Variants in PLEKHA5 observed in about 807,000 individuals in gnomAD.
PLEKHA5 encodes the protein pleckstrin homology domain-containing family A member 5.
PLEKHA5 carries 55 observed loss-of-function variants against 181.9 expected under a neutral mutation model. The ratio of observed to expected loss-of-function variants is 0.30; its 90% CI spans 0.24 to 0.38. The LOEUF (loss-of-function observed/expected upper bound fraction) is 0.38. Ranked by LOEUF, PLEKHA5 falls within the 10% of genes least tolerant of loss-of-function variation. The pLI is 1.00. For synonymous variants in PLEKHA5, 535 were observed against 529.4 expected (o/e 1.01, Z -0.15); for missense variants, 1,432 against 1,549.5 (o/e 0.92, Z 1.27).
intron 3 of PLEKHA5, among the ~76,000 whole-genome samples, chr12:19,188,967 CTG>C (rs2050455384): frequency 6.6e-6 from 1 of 152,196 alleles, no homozygotes; most frequent in African/African-American, 2.4e-5. Context: ...AAAACAGGCA[CTG>C]TCCCTGAATT....
At chr12:19,275,788 A>G (rs2074338232) in intron 11 of PLEKHA5, among the ~76,000 whole-genome samples, 1 of 152,138 alleles carries the variant, frequency 6.6e-6, no homozygotes, top group Non-Finnish European at 1.5e-5. Context: ...ATGTAAATAT[A>G]TTTATATGAG....
At chr12:19,252,935 G>C (rs1592212901) in intron 3 of PLEKHA5, among the ~76,000 whole-genome samples, 1 of 151,602 alleles carries the variant, frequency 6.6e-6, no homozygotes, top group Non-Finnish European at 1.5e-5. Context: ...ACCCATGTTG[G>C]ACCATAAAAC....
At chr12:19,257,650 A>G (rs1389412804) in intron 6 of PLEKHA5, 113 bp downstream of exon 6, 1 of 648,752 alleles carries the variant, frequency 1.5e-6, no homozygotes, top group Non-Finnish European at 2.7e-6. Context: ...AACTATGGAG[A>G]AGCCACCCAG....
intron 3 of PLEKHA5, among the ~76,000 whole-genome samples, chr12:19,164,735 A>G (rs566913875): frequency 1.3e-5 from 2 of 152,172 alleles, no homozygotes; most frequent in African/African-American, 4.8e-5. Context: ...ATGTGTGCTT[A>G]TTCTCGATAT....
chr12:19,291,163 A>G (rs2078336416), intron 14 of PLEKHA5, among the ~76,000 whole-genome samples: 1 of 152,222 alleles, frequency 6.6e-6, no homozygotes, highest in African/African-American at 2.4e-5. Context: ...AATTTCCAAT[A>G]AAACAATAAA....
chr12:19,306,170 C>T (rs1030075012), intron 15 of PLEKHA5, among the ~76,000 whole-genome samples: 1 of 152,078 alleles, frequency 6.6e-6, no homozygotes, highest in Admixed American at 6.6e-5. Context: ...GATAGTTTTT[C>T]TAAACATTTG....
In PLEKHA5 at chr12:19,130,467, C is replaced by A. The variant is rs937576212; in HGVS notation, c.169+337C>A. On this transcript the variant is annotated intron_variant, in intron 2 of 31. Transcript: ENST00000429027. This position sits in a 1 kb window ranked among gnomAD's most constrained non-coding sequence, Gnocchi z 4.5. ...CTGAAACCTGGAGTCCTGAGTTTTT[C>A]CTCCGCGGCCGCTACTCACTCCCCG... 4.0e-5 allele frequency among the ~76,000 whole-genome samples: 6 copies of A among 151,756 alleles called. No individual in the cohort carries two copies. The highest frequency in any genetic ancestry group is 1.5e-4 in the African/African-American group (6 of 41,300).
chr12:19,266,324 A>AAACAT (rs1322472071), intron 8 of PLEKHA5, among the ~76,000 whole-genome samples: 1 of 151,538 alleles, frequency 6.6e-6, no homozygotes, highest in Non-Finnish European at 1.5e-5. Flanking sequence ...AAACAAAACA[A>AAACAT]AACCAAAAAA....
chr12:19,277,736 T>A (rs187835278), intron 11 of PLEKHA5, among the ~76,000 whole-genome samples: 9 of 152,328 alleles, frequency 5.9e-5, no homozygotes, highest in Non-Finnish European at 1.0e-4. Context: ...AATCATTTTT[T>A]AAAAAGCTTT....
At chr12:19,193,985 T>G (rs1245658340) in intron 3 of PLEKHA5, among the ~76,000 whole-genome samples, 1 of 150,682 alleles carries the variant, frequency 6.6e-6, no homozygotes, top group Non-Finnish European at 1.5e-5. Flanking sequence ...CACTCAGTAT[T>G]GCTACTACAG....
chr12:19,328,993 T>A (rs1462292925), intron 20 of PLEKHA5, among the ~76,000 whole-genome samples: 1 of 152,200 alleles, frequency 6.6e-6, no homozygotes, highest in Non-Finnish European at 1.5e-5. Context: ...GCCTTTACTA[T>A]TTTAGGGCAT....
At chr12:19,212,823 T>G (rs79351799) in intron 3 of PLEKHA5, among the ~76,000 whole-genome samples, 239 of 107,662 alleles carry the variant, frequency 2.2e-3, no homozygotes, top group Non-Finnish European at 3.3e-3. Context: ...TGAGAGTGGG[T>G]TTTTTTTTGT....
Position 19,358,288 on chromosome 12 carries a change from A to C in PLEKHA5, c.3199A>C (p.Thr1067Pro). 1 of 1,614,060 alleles carries C rather than the reference A, an allele frequency of 6.2e-7. No individual in the cohort carries two copies. The change falls in exon 27 of 32, where the codon ACT (threonine) becomes CCT (proline). Residue 1067 changes from threonine (T) to proline (P), a missense_variant. Transcript: ENST00000429027. Reference protein sequence around the residue: ...CLAESTRPRMTVEEQMERIRR... With the variant: ...CLAESTRPRMPVEEQMERIRR... ...GGCTGAAAGTACTCGACCAAGGATG[A>C]CTGTGGAAGAGCAAATGGAAAGAAT...
chr12:19,373,951 T>C (rs1282635205), intron 31 of PLEKHA5, among the ~76,000 whole-genome samples: 1 of 150,006 alleles, frequency 6.7e-6, no homozygotes, highest in Non-Finnish European at 1.5e-5. Context: ...TTTCTTCTTA[T>C]TCCAAGAGCA....
intron 26 of PLEKHA5, among the ~76,000 whole-genome samples, chr12:19,355,113 A>G (rs895381571): frequency 1.3e-5 from 2 of 152,138 alleles, no homozygotes; most frequent in African/African-American, 2.4e-5. Context: ...AATAAATCCT[A>G]TATTTTACAT....
At chr12:19,360,167 A>G (rs2095155476) in intron 28 of PLEKHA5, among the ~76,000 whole-genome samples, 1 of 151,892 alleles carries the variant, frequency 6.6e-6, no homozygotes. Context: ...CCCTGCCAAT[A>G]CTGAATACAA....
At chr12:19,139,902 A>T (rs1395251826) in intron 3 of PLEKHA5, among the ~76,000 whole-genome samples, 5 of 152,162 alleles carry the variant, frequency 3.3e-5, no homozygotes, top group African/African-American at 1.2e-4. Flanking sequence ...GACTTGGGGG[A>T]TGGGGTTGGT....
chr12:19,152,535 C>A (rs963849447), intron 3 of PLEKHA5: 10 of 152,202 alleles, frequency 6.6e-5, no homozygotes, highest in Non-Finnish European at 1.3e-4. Flanking sequence ...CCATGCAATG[C>A]AGGTCAGTTT....
intron 3 of PLEKHA5, among the ~76,000 whole-genome samples, chr12:19,246,037 G>A (rs2063662502): frequency 6.7e-6 from 1 of 148,562 alleles, no homozygotes; most frequent in African/African-American, 2.5e-5. Context: ...GTAGTGTAGT[G>A]GCATGATCTT....
Sources: allele counts gnomAD v4.1 joint callset (sites outside exome capture counted in the v4.1 genomes callset), GRCh38; gene constraint gnomAD v4.1.1; non-coding constraint Gnocchi (gnomAD v3.1); transcripts MANE v1.5; gene names NCBI Gene and HGNC (gene_info 2026-07-23, HGNC 2026-07-21).